The following REDIC1 variants were observed in gnomAD, a reference collection of about 807,000 sequenced individuals.
The protein encoded by REDIC1 is regulator of DNA class I crossover intermediates 1.
At chr12:39,730,939 T>C in the REDIC1 span, among the ~76,000 whole-genome samples, 149,129 of 152,216 alleles carry the variant, frequency 0.98, 73,063 homozygotes, top group East Asian at 1. Flanking sequence ...TCTGCTTGAT[T>C]GATTTGGCTA....
At chr12:39,753,791 A>AGG in the REDIC1 span, among the ~76,000 whole-genome samples, 1 of 152,182 alleles carries the variant, frequency 6.6e-6, no homozygotes, top group Non-Finnish European at 1.5e-5. Flanking sequence ...TGATTCATTG[A>AGG]TAACCTTCAC....
the REDIC1 span, among the ~76,000 whole-genome samples, chr12:39,809,019 T>C: frequency 1.3e-5 from 2 of 152,166 alleles, no homozygotes; most frequent in East Asian, 3.8e-4. Flanking sequence ...TATGTTTCCT[T>C]ATAAATGTTT....
chr12:39,847,302 C>T, the REDIC1 span, among the ~76,000 whole-genome samples: 1 of 152,100 alleles, frequency 6.6e-6, no homozygotes, highest in Non-Finnish European at 1.5e-5. Context: ...TTCTTCCCTC[C>T]TCCTTTTTAA....
chr12:39,818,113 C>T, the REDIC1 span, among the ~76,000 whole-genome samples: 2 of 152,222 alleles, frequency 1.3e-5, no homozygotes, highest in Non-Finnish European at 2.9e-5. Flanking sequence ...GGCCACTCCT[C>T]TGACTCAAGT....
the REDIC1 span, among the ~76,000 whole-genome samples, chr12:39,857,797 G>T: frequency 6.6e-6 from 1 of 152,168 alleles, no homozygotes; most frequent in Non-Finnish European, 1.5e-5. Flanking sequence ...ACCCAGTCTT[G>T]TTGGTCAATT....
the REDIC1 span, among the ~76,000 whole-genome samples, chr12:39,726,657 A>G: frequency 6.6e-5 from 10 of 152,208 alleles, no homozygotes; most frequent in Non-Finnish European, 1.2e-4. Context: ...AGAATGATTT[A>G]TAATCCTTTG....
the REDIC1 span, among the ~76,000 whole-genome samples, chr12:39,738,862 T>C: frequency 2.6e-5 from 4 of 152,122 alleles, no homozygotes; most frequent in Non-Finnish European, 5.9e-5. Flanking sequence ...GAACATAAAA[T>C]ATTTCAGTGT....
At chr12:39,682,765 C>T in the REDIC1 span, 2 of 1,613,306 alleles carry the variant, frequency 1.2e-6, no homozygotes, top group East Asian at 2.2e-5. Flanking sequence ...TTCAAATTTT[C>T]TTGAAGATGT....
the REDIC1 span, among the ~76,000 whole-genome samples, chr12:39,854,893 C>T: frequency 2.0e-5 from 3 of 152,210 alleles, no homozygotes. Context: ...GTCTGAGAAA[C>T]TCCAACTCAC....
At chr12:39,752,455 T>C in the REDIC1 span, among the ~76,000 whole-genome samples, 1 of 152,218 alleles carries the variant, frequency 6.6e-6, no homozygotes, top group South Asian at 2.1e-4. Context: ...AAAATTGTCT[T>C]CCATGAAACC....
At chr12:39,718,620 C>G in the REDIC1 span, among the ~76,000 whole-genome samples, 2 of 152,042 alleles carry the variant, frequency 1.3e-5, no homozygotes, top group Non-Finnish European at 2.9e-5. Flanking sequence ...CCCATCCTGC[C>G]TTAAATCCTG....
the REDIC1 span, among the ~76,000 whole-genome samples, chr12:39,860,605 C>T: frequency 5.8e-4 from 88 of 152,340 alleles, no homozygotes; most frequent in Non-Finnish European, 1.2e-3. Flanking sequence ...CATGGTCTTA[C>T]ATCTTCCAAT....
chr12:39,784,247 A>G, the REDIC1 span, among the ~76,000 whole-genome samples: 2 of 152,234 alleles, frequency 1.3e-5, no homozygotes, highest in Non-Finnish European at 2.9e-5. Context: ...ATGGAACCAA[A>G]AAAGAGCCCG....
At chr12:39,839,814 C>T in the REDIC1 span, among the ~76,000 whole-genome samples, 1 of 152,104 alleles carries the variant, frequency 6.6e-6, no homozygotes, top group Admixed American at 6.6e-5. Flanking sequence ...CAGAACTACA[C>T]TTCCAATTGC....
At chr12:39,713,069 A>T in the REDIC1 span, among the ~76,000 whole-genome samples, 1 of 140,240 alleles carries the variant, frequency 7.1e-6, no homozygotes, top group East Asian at 2.1e-4. Flanking sequence ...ATATGTGTAT[A>T]CACGTGCATA....
At chr12:39,711,556 C>A in the REDIC1 span, among the ~76,000 whole-genome samples, 2 of 43,458 alleles carry the variant, frequency 4.6e-5, no homozygotes, top group African/African-American at 1.1e-4. Flanking sequence ...TGTGCATACA[C>A]ATGCATGTGT....
At chr12:39,682,795 C>T in the REDIC1 span, 2 of 1,612,670 alleles carry the variant, frequency 1.2e-6, no homozygotes, top group Admixed American at 1.7e-5. Flanking sequence ...TACTCCTAAC[C>T]TTCTATCAGA....
chr12:39,718,371 T>G, the REDIC1 span, among the ~76,000 whole-genome samples: 1 of 152,198 alleles, frequency 6.6e-6, no homozygotes, highest in East Asian at 1.9e-4. Flanking sequence ...AATATCAAAA[T>G]AACTTTAAAA....
the REDIC1 span, among the ~76,000 whole-genome samples, chr12:39,798,313 C>A: frequency 1.3e-5 from 2 of 152,052 alleles, no homozygotes; most frequent in Non-Finnish European, 2.9e-5. Flanking sequence ...GATTTGTGAC[C>A]CAGAGAAACT....
Sources: gnomAD v4.1 joint callset for allele counts (sites outside exome capture counted in the v4.1 genomes callset) on GRCh38, gnomAD v4.1.1 for gene constraint, MANE v1.5 for transcripts, NCBI Gene and HGNC (gene_info 2026-07-23, HGNC 2026-07-21) for gene names.